CNTN5: variants seen among roughly 807,000 people sequenced by gnomAD.
CNTN5 encodes the protein contactin 5, also known as contactin-5.
In CNTN5, 77 loss-of-function variants were observed where a neutral mutation model predicts 129.1. That is an observed-to-expected ratio of 0.60 (90% confidence interval 0.50 to 0.72). The LOEUF is 0.72. Ranked by LOEUF, CNTN5 falls within the 30% of genes least tolerant of loss-of-function variation. The pLI is 0.00. For missense variants in CNTN5, 1,478 were observed against 1,328.8 expected (o/e 1.11, Z -1.75); for synonymous variants, 509 against 465.6 (o/e 1.09, Z -1.20).
chr11:100,090,513 C>CCCTCCCTCCCTCCCTT (rs1944729292), intron 13 of CNTN5, among the ~76,000 whole-genome samples: 1 of 50,230 alleles, frequency 2.0e-5, no homozygotes, highest in African/African-American at 1.0e-4. Flanking sequence ...CTCCCTCCCT[C>CCCTCCCTCCCTCCCTT]CCTCCCTCCC....
At chr11:99,897,106 G>A (rs865817067) in intron 6 of CNTN5, among the ~76,000 whole-genome samples, 8 of 152,072 alleles carry the variant, frequency 5.3e-5, no homozygotes, top group Middle Eastern at 3.4e-3. Context: ...CCAGTCAGTT[G>A]CAAATAAAGA....
At chr11:100,014,957 T>C (rs1475374472) in intron 9 of CNTN5, among the ~76,000 whole-genome samples, 1 of 152,140 alleles carries the variant, frequency 6.6e-6, no homozygotes, top group African/African-American at 2.4e-5. Flanking sequence ...TCACTACGGG[T>C]GACCATTTAG....
chr11:99,514,556 C>CA (rs2135420524), intron 2 of CNTN5, among the ~76,000 whole-genome samples: 1 of 152,196 alleles, frequency 6.6e-6, no homozygotes, highest in African/African-American at 2.4e-5. Context: ...AACTACTAAT[C>CA]TTGTCATCCA....
chr11:100,216,630 G>T (rs1949143957), intron 15 of CNTN5, among the ~76,000 whole-genome samples: 1 of 151,712 alleles, frequency 6.6e-6, no homozygotes, highest in African/African-American at 2.4e-5. Context: ...GAACTAAATG[G>T]GTCTTGGGTG....
At chr11:99,600,369 C>A (rs960829473) in intron 3 of CNTN5, among the ~76,000 whole-genome samples, 1 of 152,080 alleles carries the variant, frequency 6.6e-6, no homozygotes, top group Non-Finnish European at 1.5e-5. Context: ...TGAGCTAATG[C>A]AACTTACATA....
At chr11:99,453,318 A>G (rs552447796) in intron 2 of CNTN5, among the ~76,000 whole-genome samples, 1 of 152,294 alleles carries the variant, frequency 6.6e-6, no homozygotes, top group Admixed American at 6.5e-5. Flanking sequence ...GAGAAAGGGA[A>G]AAAACTTGTA....
At chr11:99,033,948 T>G (rs1167141943) in intron 1 of CNTN5, among the ~76,000 whole-genome samples, 1 of 151,694 alleles carries the variant, frequency 6.6e-6, no homozygotes, top group African/African-American at 2.4e-5. Context: ...GTCCCATCAA[T>G]ACCTAATTTA....
At chr11:100,348,107 T>C (rs2139032017) in intron 23 of CNTN5, among the ~76,000 whole-genome samples, 1 of 152,154 alleles carries the variant, frequency 6.6e-6, no homozygotes, top group East Asian at 1.9e-4. Context: ...GACAATTTTC[T>C]TTATGCATAA....
intron 2 of CNTN5, among the ~76,000 whole-genome samples, chr11:99,435,370 C>T (rs1943558820): frequency 6.6e-6 from 1 of 152,130 alleles, no homozygotes; most frequent in South Asian, 2.1e-4. Flanking sequence ...TCAGCTGTTG[C>T]CCATGAGGTG....
chr11:99,432,078 C>G (rs11219879), intron 2 of CNTN5, among the ~76,000 whole-genome samples: 28,554 of 152,152 alleles, frequency 0.19, 2,836 homozygotes, highest in Middle Eastern at 0.3. Context: ...AGCTCTTAAT[C>G]TGCAACTATT....
chr11:99,138,536 T>C (rs1400670181), intron 1 of CNTN5, among the ~76,000 whole-genome samples: 2 of 152,172 alleles, frequency 1.3e-5, no homozygotes, highest in African/African-American at 4.8e-5. Flanking sequence ...TTGCGATGCA[T>C]TATAGGATGT....
chr11:99,218,177 A>G (rs1329754248), intron 1 of CNTN5, among the ~76,000 whole-genome samples: 1 of 152,004 alleles, frequency 6.6e-6, no homozygotes, highest in Non-Finnish European at 1.5e-5. Context: ...TTATTTTCGT[A>G]GTTCTATTTA....
chr11:100,339,578 A>G (rs1208621329), intron 21 of CNTN5, among the ~76,000 whole-genome samples: 6 of 152,100 alleles, frequency 3.9e-5, no homozygotes, highest in Non-Finnish European at 8.8e-5. Flanking sequence ...ATGGGCAAAA[A>G]AGGAATAGAA....
At chr11:100,041,312 C>T (rs1005445976) in intron 9 of CNTN5, among the ~76,000 whole-genome samples, 2 of 152,138 alleles carry the variant, frequency 1.3e-5, no homozygotes, top group Non-Finnish European at 2.9e-5. Flanking sequence ...TCCATACTTC[C>T]TCTAAATCAT....
chr11:99,176,037 T>G (rs1158996327), intron 1 of CNTN5, among the ~76,000 whole-genome samples: 1 of 152,232 alleles, frequency 6.6e-6, no homozygotes, highest in Non-Finnish European at 1.5e-5. Flanking sequence ...TTACCTTGTT[T>G]CTGGACGGTT....
At chr11:99,811,290 G>A (rs1308132583) in intron 3 of CNTN5, among the ~76,000 whole-genome samples, 1 of 151,842 alleles carries the variant, frequency 6.6e-6, no homozygotes, top group Non-Finnish European at 1.5e-5. Flanking sequence ...GAATTCTGAA[G>A]TTTTATTGGT....
At chr11:100,341,246 G>GA (rs745823072) in intron 23 of CNTN5, 41 bp downstream of exon 23, 1 of 1,381,216 alleles carries the variant, frequency 7.2e-7, no homozygotes, top group Non-Finnish European at 1.0e-6. Flanking sequence ...ACTCATCTCC[G>GA]AAATTGTTAT....
At chr11:99,711,801 G>A (rs1221421422) in intron 3 of CNTN5, among the ~76,000 whole-genome samples, 1 of 151,962 alleles carries the variant, frequency 6.6e-6, no homozygotes, top group Non-Finnish European at 1.5e-5. Context: ...TCCCTGCAAA[G>A]GACATGAACT....
intron 3 of CNTN5, among the ~76,000 whole-genome samples, chr11:99,747,801 T>C (rs1358953116): frequency 1.3e-5 from 2 of 152,204 alleles, no homozygotes. Context: ...TTCCTGATCA[T>C]AGATGAAAAT....
Sources: allele counts gnomAD v4.1 joint callset (sites outside exome capture counted in the v4.1 genomes callset), GRCh38; gene constraint gnomAD v4.1.1; transcripts MANE v1.5; gene names NCBI Gene and HGNC (gene_info 2026-07-23, HGNC 2026-07-21).